RAPGEF5: variants seen among roughly 807,000 people sequenced by gnomAD.
The protein encoded by RAPGEF5 is Rap guanine nucleotide exchange factor 5.
Under a neutral mutation model 125.2 loss-of-function variants are expected in RAPGEF5, and 65 were observed. The ratio of observed to expected loss-of-function variants is 0.52; its 90% confidence interval spans 0.43 to 0.64. The LOEUF is 0.64. RAPGEF5 is among the 30% of genes least tolerant of loss of function. RAPGEF5 has a pLI of 0.00. For missense variants in RAPGEF5, 958 were observed against 1,048.1 expected (o/e 0.91, Z 1.19); for synonymous variants, 391 against 385.9 (o/e 1.01, Z -0.16).
chr7:22,147,166 A>G, intron 18 of RAPGEF5, 147 bp from the exon 19 acceptor site: 1 of 1,050,038 alleles, frequency 9.5e-7, no homozygotes, highest in Non-Finnish European at 1.4e-6. Context: ...GTTCACCTTC[A>G]GTGAGTTACA....
At chr7:22,308,605 C>A in intron 4 of RAPGEF5, 98 bp from the exon 5 acceptor site, 1 of 998,552 alleles carries the variant, frequency 1.0e-6, no homozygotes, top group Non-Finnish European at 1.4e-6. Flanking sequence ...TAATTGGGAG[C>A]AATCAGGGTT....
chr7:22,324,164 G>C (rs988988471), intron 1 of RAPGEF5, among the ~76,000 whole-genome samples: 2 of 152,152 alleles, frequency 1.3e-5, no homozygotes, highest in African/African-American at 4.8e-5. Flanking sequence ...TCTGCCTCCT[G>C]ATATGATGAA....
chr7:22,122,926 G>A (rs1413744595), intron 25 of RAPGEF5, among the ~76,000 whole-genome samples: 2 of 152,226 alleles, frequency 1.3e-5, no homozygotes, highest in Admixed American at 6.5e-5. Flanking sequence ...CCAGCACTGG[G>A]TCCTATATCT....
At chr7:22,190,932 G>C (rs1157043051) in intron 11 of RAPGEF5, among the ~76,000 whole-genome samples, 1 of 152,114 alleles carries the variant, frequency 6.6e-6, no homozygotes, top group Non-Finnish European at 1.5e-5. Context: ...GCCCCAGATG[G>C]CTCCATCTCC....
intron 6 of RAPGEF5, among the ~76,000 whole-genome samples, chr7:22,275,303 C>G (rs1184871462): frequency 6.6e-6 from 1 of 152,242 alleles, no homozygotes; most frequent in Admixed American, 6.5e-5. Flanking sequence ...TATAAGCCCG[C>G]TGAAATGGAC....
At chr7:22,214,053 C>T (rs953261823) in intron 9 of RAPGEF5, among the ~76,000 whole-genome samples, 1 of 152,184 alleles carries the variant, frequency 6.6e-6, no homozygotes, top group Non-Finnish European at 1.5e-5. Context: ...AGCCAGAATA[C>T]TCCAAACCAC....
intron 1 of RAPGEF5, among the ~76,000 whole-genome samples, chr7:22,340,529 C>T (rs1201282887): frequency 1.3e-5 from 2 of 152,224 alleles, no homozygotes; most frequent in African/African-American, 4.8e-5. Context: ...AGAACATTCA[C>T]TCTAGACTGG....
intron 9 of RAPGEF5, among the ~76,000 whole-genome samples, chr7:22,204,820 A>G (rs946436946): frequency 2.6e-5 from 4 of 152,332 alleles, no homozygotes. Context: ...AGAATGTAAG[A>G]TGTAATGAAA....
intron 5 of RAPGEF5, among the ~76,000 whole-genome samples, chr7:22,296,484 T>C (rs908468101): frequency 2.6e-5 from 4 of 152,126 alleles, no homozygotes; most frequent in Admixed American, 6.5e-5. Context: ...GACTGTTTGA[T>C]TAACTTCAGC....
chr7:22,319,110 G>A (rs567657010), intron 1 of RAPGEF5, among the ~76,000 whole-genome samples: 36 of 152,076 alleles, frequency 2.4e-4, no homozygotes, highest in African/African-American at 7.2e-4. Context: ...ACCTACATAC[G>A]CTTAAGCACA....
chr7:22,216,324 A>AGGGT (rs556762887), intron 9 of RAPGEF5, among the ~76,000 whole-genome samples: 80 of 152,318 alleles, frequency 5.3e-4, no homozygotes, highest in African/African-American at 1.9e-3. Flanking sequence ...TAAGCTCCTT[A>AGGGT]GGGTAGCTGG....
In RAPGEF5 at chr7:22,196,360, T is replaced by C. The variant is rs534078939; in HGVS notation, c.997-2327A>G. 1.2e-4 allele frequency among the ~76,000 whole-genome samples: 19 copies of C among 152,284 alleles called. No individual in the cohort carries two copies. The South Asian group carries it at 3.7e-3, about 30-fold the overall frequency. On this transcript the variant is annotated intron_variant, in intron 9 of 25. Transcript: ENST00000665637. ...TATGAAATTTTATTCTTGTGCTTGA[T>C]TGGTTAAGATTAAAAGTATTAAGAG...
intron 12 of RAPGEF5, among the ~76,000 whole-genome samples, chr7:22,166,097 C>CATATATATATATCATATATATATATATT (rs930690915): frequency 7.0e-6 from 1 of 142,424 alleles, no homozygotes; most frequent in Non-Finnish European, 1.5e-5. Flanking sequence ...ATATATATAT[C>CATATATATATATCATATATATATATATT]ATATATATAT....
intron 11 of RAPGEF5, among the ~76,000 whole-genome samples, chr7:22,169,326 C>T (rs1392374091): frequency 6.6e-6 from 1 of 152,196 alleles, no homozygotes; most frequent in African/African-American, 2.4e-5. Context: ...AAACACTGGT[C>T]ATCCTAATGA....
At chr7:22,231,057 TA>T in intron 7 of RAPGEF5, 138 bp from the exon 8 acceptor site, 1 of 821,464 alleles carries the variant, frequency 1.2e-6, no homozygotes, top group Admixed American at 2.3e-5. Flanking sequence ...TATTTTTTGT[TA>T]ATCAAATGTG....
intron 11 of RAPGEF5, among the ~76,000 whole-genome samples, chr7:22,170,428 C>T (rs2128116807): frequency 6.6e-6 from 1 of 152,282 alleles, no homozygotes; most frequent in Non-Finnish European, 1.5e-5. Context: ...GCGCAGAAAC[C>T]ATTGGGTGAC....
chr7:22,320,556 G>A (rs1480170325), intron 1 of RAPGEF5, among the ~76,000 whole-genome samples: 1 of 152,050 alleles, frequency 6.6e-6, no homozygotes, highest in African/African-American at 2.4e-5. Flanking sequence ...TACCGCAAAA[G>A]CACCCTTGAA....
intron 1 of RAPGEF5, 93 bp from the exon 2 acceptor site, chr7:22,318,130 T>A (rs1196545764): frequency 8.2e-6 from 10 of 1,225,148 alleles, no homozygotes; most frequent in Non-Finnish European, 1.1e-5. Flanking sequence ...AGGGCAGGCC[T>A]CTGCTATGAA....
At chr7:22,230,316 A>G (rs912098325) in intron 8 of RAPGEF5, among the ~76,000 whole-genome samples, 1 of 152,240 alleles carries the variant, frequency 6.6e-6, no homozygotes, top group Non-Finnish European at 1.5e-5. Flanking sequence ...TCTGACCAGA[A>G]TCAACAGATT....
Sources: allele counts gnomAD v4.1 joint callset (sites outside exome capture counted in the v4.1 genomes callset), GRCh38; gene constraint gnomAD v4.1.1; transcripts MANE v1.5; gene names NCBI Gene and HGNC (gene_info 2026-07-23, HGNC 2026-07-21).